REL: variants seen among roughly 807,000 people sequenced by gnomAD.
REL encodes the protein proto-oncogene c-Rel.
REL carries 15 observed loss-of-function variants against 45.9 expected under a neutral mutation model. That is an observed-to-expected ratio of 0.33 (90% CI 0.22 to 0.50). The LOEUF is 0.50. Ranked by LOEUF, REL falls within the 20% of genes least tolerant of loss-of-function variation. REL has a pLI of 0.98. For missense variants in REL, 601 were observed against 715.2 expected (o/e 0.84, Z 1.82); for synonymous variants, 239 against 242.1 (o/e 0.99, Z 0.12).
Position 60,881,794 on chromosome 2 carries a change from G to T in REL, c.-47G>T. The T allele has an allele frequency of 6.5e-7, 1 of 1,527,228 alleles. No individual in the cohort carries two copies. Among genetic ancestry groups the T allele is most frequent in the Non-Finnish European group, 8.8e-7 (1 of 1,138,300 alleles). 94.6% of individuals were successfully genotyped at this position (1,527,228 alleles called of 1,614,324 possible). On this transcript the variant is annotated 5_prime_UTR_variant, in exon 1 of 10. Transcript: ENST00000394479. ...GACTGACTGACTGCGGCCGCCTCCG[G>T]CCAGGACGCTGGGAGCTGCCTGCGG...
rs1270819758 is a variant in REL at position 60,929,358 on chromosome 2, A to G, written c.*6823A>G. The G allele has an allele frequency of 2.9e-5, 4 of 138,426 alleles. No homozygotes were observed. Among genetic ancestry groups the G allele is most frequent in the Non-Finnish European group, 6.3e-5 (4 of 63,510 alleles). 8.6% of individuals were successfully genotyped at this position (138,426 alleles called of 1,614,324 possible). The stretch of plus-strand genomic sequence containing the variant: ...AGGACTATAAATCATGCTGCTATAA[A>G]GACACATGCACACGTATGTTTATTG... On this transcript the variant is annotated 3_prime_UTR_variant, in exon 10 of 10. Transcript: ENST00000394479.
intron 9 of REL, 88 bp from the exon 10 acceptor site, chr2:60,921,675 A>G: frequency 8.7e-7 from 1 of 1,151,364 alleles, no homozygotes; most frequent in Middle Eastern, 2.1e-4. Context: ...CTTTATATAT[A>G]TTTGTGTGCT....
rs777695661 is a variant in REL at position 60,922,621 on chromosome 2, A to C, written c.*86A>C. On this transcript the variant is annotated 3_prime_UTR_variant, in exon 10 of 10. Transcript: ENST00000394479. ...TTTGTCTAACTGGGGATATAATACT[A>C]TATTTATACTGTATATATAATACTG... 2.6e-4 allele frequency: 369 copies of C among 1,414,130 alleles called. No homozygotes were observed. Among genetic ancestry groups the C allele is most frequent in the Non-Finnish European group, 3.3e-4 (357 of 1,078,464 alleles). 87.6% of individuals were successfully genotyped at this position (1,414,130 alleles called of 1,614,324 possible).
rs746735963 is a variant in REL at position 60,916,954 on chromosome 2, G to A, written c.472G>A (p.Asp158Asn). Reference sequence around the variant, plus strand: ...ACTGTGTTTTCAAGTTTTTCTCCCTGATGAACATGGTAATTTGACGACTGC... The same window carrying A: ...ACTGTGTTTTCAAGTTTTTCTCCCTAATGAACATGGTAATTTGACGACTGC... ...VRLCFQVFLPDEHGNLTTALP... is the reference protein window; with the variant it reads ...VRLCFQVFLPNEHGNLTTALP... Residue 158 changes from aspartate to asparagine, a missense_variant, in exon 5 of 10, where the codon GAT (aspartate) becomes AAT (asparagine). Around this residue, in one of 4 missense-constraint regions of REL, gnomAD observed 241 missense variants for 347.0 expected, o/e 0.69. Transcript: ENST00000394479. 16 of 1,613,370 alleles carry A rather than the reference G, an allele frequency of 9.9e-6. No homozygotes were observed. In the South Asian group the frequency reaches 1.8e-4, roughly 18 times the overall value.
chr2:60,919,145 T>G (rs1432402507), intron 7 of REL, among the ~76,000 whole-genome samples: 1 of 152,262 alleles, frequency 6.6e-6, no homozygotes, highest in Non-Finnish European at 1.5e-5. Flanking sequence ...CAGAGAGTAG[T>G]CTCTATATTG....
At chr2:60,897,813 G>A (rs1279814208) in intron 3 of REL, among the ~76,000 whole-genome samples, 1 of 150,324 alleles carries the variant, frequency 6.7e-6, no homozygotes, top group Non-Finnish European at 1.5e-5. Context: ...GATTGCTTGA[G>A]CCCAGGAGTT....
intron 4 of REL, among the ~76,000 whole-genome samples, chr2:60,902,882 C>G (rs748149143): frequency 1.1e-3 from 164 of 152,152 alleles, no homozygotes; most frequent in Non-Finnish European, 2.2e-3. Flanking sequence ...AGCCACTGCA[C>G]CCGGTCTATT....
At chr2:60,891,543 C>A in intron 1 of REL, 140 bp from the exon 2 acceptor site, 1 of 717,926 alleles carries the variant, frequency 1.4e-6, no homozygotes, top group Non-Finnish European at 2.2e-6. Flanking sequence ...TCCAAGATAA[C>A]ATTTCGGTCT....
intron 1 of REL, among the ~76,000 whole-genome samples, chr2:60,888,012 C>T (rs1019497397): frequency 1.3e-5 from 2 of 151,698 alleles, no homozygotes. Flanking sequence ...ACTGCAGCCT[C>T]CACCTCCTGG....
In REL at chr2:60,906,895, A is replaced by G. The variant is rs113334909; in HGVS notation, c.394+5812A>G. ...TGCGTGTGTGTATGTGTGTGTGTGTATATATATATATATATATATTTTTTT... is the reference window on the plus strand; with the variant it reads ...TGCGTGTGTGTATGTGTGTGTGTGTGTATATATATATATATATATTTTTTT... On this transcript the variant is annotated intron_variant, in intron 4 of 9. Coordinates refer to ENST00000394479, the MANE Select transcript of REL (RefSeq NM_001291746.2). Among the ~76,000 whole-genome samples the G allele has an allele frequency of 5.9e-3, 676 of 115,358 alleles. 2 individuals carry two copies. The highest frequency in any genetic ancestry group is 8.9e-3 in the East Asian group (39 of 4,404). 75.7% of individuals were successfully genotyped at this position (115,358 alleles called of 152,430 possible). A position where few individuals can be genotyped will look rare whatever the true frequency, so the allele number is the denominator to read the frequency against.
intron 9 of REL, 65 bp downstream of exon 9, chr2:60,920,707 G>C (rs1674118330): frequency 1.0e-6 from 1 of 992,888 alleles, no homozygotes; most frequent in African/African-American, 1.7e-5. Context: ...CAATATATTG[G>C]AATTCTATTT....
chr2:60,883,958 A>G (rs972023228), intron 1 of REL, among the ~76,000 whole-genome samples: 5 of 135,434 alleles, frequency 3.7e-5, no homozygotes, highest in African/African-American at 1.2e-4. Context: ...CAGGCCTGGA[A>G]TAAAAAAAAA....
At position 60,931,284 on chromosome 2, in the gene REL, T is replaced by C. The variant is rs185703155; in HGVS notation, c.*8749T>C. On this transcript the variant is annotated 3_prime_UTR_variant, in exon 10 of 10. Transcript: ENST00000394479. ...ATGGTTTTTGACCAGGTGAACCCTTTAGAAGTGATTTCTGTTTTAAAAGTA... is the reference window on the plus strand; with the variant it reads ...ATGGTTTTTGACCAGGTGAACCCTTCAGAAGTGATTTCTGTTTTAAAAGTA... The C allele has an allele frequency of 1.7e-3, 252 of 152,478 alleles. No individual in the cohort carries two copies. Among genetic ancestry groups the C allele is most frequent in the African/African-American group, 6.0e-3 (248 of 41,586 alleles). 9.4% of individuals were successfully genotyped at this position (152,478 alleles called of 1,614,324 possible). A position where few individuals can be genotyped will look rare whatever the true frequency, so the allele number is the denominator to read the frequency against.
At chr2:60,894,632 G>C in intron 3 of REL, 87 bp downstream of exon 3, 2 of 1,082,832 alleles carry the variant, frequency 1.8e-6, no homozygotes, top group Non-Finnish European at 1.3e-6. Flanking sequence ...TTACTTTTTA[G>C]CAGAATAATT....
chr2:60,891,092 A>G (rs945310180), intron 1 of REL, among the ~76,000 whole-genome samples: 57 of 152,298 alleles, frequency 3.7e-4, no homozygotes, highest in East Asian at 3.9e-4. Flanking sequence ...CTTTGAGCCT[A>G]AAGTCCCTCC....
chr2:60,913,728 A>G (rs1164810828), intron 4 of REL, among the ~76,000 whole-genome samples: 2 of 152,080 alleles, frequency 1.3e-5, no homozygotes, highest in East Asian at 3.8e-4. Flanking sequence ...TTCTTCTCTC[A>G]TATCTTGGTC....
At position 60,920,068 on chromosome 2, in the gene REL, A is replaced by G. The variant is rs1674096005; in HGVS notation, c.881A>G (p.Gln294Arg). The change falls in exon 8 of 10, where the codon CAA becomes CGA. Residue 294 changes from glutamine to arginine, a missense_variant. Gln to Arg is a conservative substitution (Grantham distance 43, BLOSUM62 1). Transcript: ENST00000394479. Reference protein sequence around the residue: ...KDTYGNKAKKQKTTLLFQKLC... With the variant: ...KDTYGNKAKKRKTTLLFQKLC... ...ACTTACGGCAATAAAGCAAAGAAACAAAAGACAACTCTGCTTTTCCAGAAA... is the reference window on the plus strand; with the variant it reads ...ACTTACGGCAATAAAGCAAAGAAACGAAAGACAACTCTGCTTTTCCAGAAA... 1 of 1,612,208 alleles carries G rather than the reference A, an allele frequency of 6.2e-7. No homozygotes were observed. The highest frequency in any genetic ancestry group is 1.1e-5 in the South Asian group (1 of 90,680).
At chr2:60,911,950 A>G (rs1253810636) in intron 4 of REL, among the ~76,000 whole-genome samples, 2 of 145,076 alleles carry the variant, frequency 1.4e-5, no homozygotes, top group African/African-American at 5.1e-5. Flanking sequence ...GTGAGCTGAG[A>G]TCGTGCCACT....
chr2:60,897,747 C>T (rs1172886736), intron 3 of REL, among the ~76,000 whole-genome samples: 3 of 151,662 alleles, frequency 2.0e-5, no homozygotes. Context: ...CCTTAAGTAG[C>T]GGGGCACAGT....
Sources: gnomAD v4.1 joint callset for allele counts (sites outside exome capture counted in the v4.1 genomes callset) on GRCh38, gnomAD v4.1.1 for gene constraint, gnomAD v4.1.1 regional missense constraint, MANE v1.5 for transcripts, NCBI Gene and HGNC (gene_info 2026-07-23, HGNC 2026-07-21) for gene names.